TAOK3: variants seen among roughly 807,000 people sequenced by gnomAD.
TAOK3 encodes TAO kinase 3, also known as serine/threonine-protein kinase TAO3.
Under a neutral mutation model 120.4 loss-of-function variants are expected in TAOK3, and 40 were observed. The observed-to-expected ratio is 0.33, with a 90% CI of 0.26 to 0.43. TAOK3 has a LOEUF of 0.43. Ranked by LOEUF, TAOK3 falls within the 20% of genes least tolerant of loss-of-function variation. The probability of loss-of-function intolerance (pLI) is 1.00; values close to 1 mark genes in which losing one functional copy is unlikely to be tolerated. For synonymous variants in TAOK3, 355 were observed against 387.5 expected (o/e 0.92, Z 0.99); for missense variants, 821 against 1,112.1 (o/e 0.74, Z 3.72).
intron 10 of TAOK3, among the ~76,000 whole-genome samples, chr12:118,213,686 G>C (rs757953985): frequency 3.9e-5 from 6 of 152,082 alleles, no homozygotes; most frequent in Non-Finnish European, 7.4e-5. Flanking sequence ...CTGCTGAGAA[G>C]TGATATCAGC....
intron 2 of TAOK3, among the ~76,000 whole-genome samples, chr12:118,257,271 T>C (rs1209733469): frequency 6.6e-6 from 1 of 152,206 alleles, no homozygotes; most frequent in African/African-American, 2.4e-5. Context: ...AAGAAATTAC[T>C]ATCACATGGA....
intron 1 of TAOK3, among the ~76,000 whole-genome samples, chr12:118,347,036 T>C (rs959984525): frequency 6.6e-6 from 1 of 152,168 alleles, no homozygotes; most frequent in Non-Finnish European, 1.5e-5. Flanking sequence ...TCTCGCTCTG[T>C]CACCCAGGCT....
At chr12:118,175,640 A>T (rs1308904781) in intron 16 of TAOK3, among the ~76,000 whole-genome samples, 1 of 152,172 alleles carries the variant, frequency 6.6e-6, no homozygotes, top group Non-Finnish European at 1.5e-5. Flanking sequence ...AAGAAAAAAA[A>T]ATAAAGAATA....
In TAOK3 at chr12:118,371,548, G is replaced by A. The variant is rs561510449; in HGVS notation, c.-194+1100C>T. Among the ~76,000 whole-genome samples the A allele has an allele frequency of 1.9e-3, 289 of 152,154 alleles. No individual in the cohort carries two copies. Among genetic ancestry groups the A allele is most frequent in the African/African-American group, 6.5e-3 (268 of 41,538 alleles). On this transcript the variant is annotated intron_variant, in intron 1 of 20. Transcript: ENST00000392533. This position sits in a 1 kb window ranked among gnomAD's most constrained non-coding sequence, Gnocchi z 5.5. Reference sequence around the variant, plus strand: ...CTCCGGAGTCCCCCGGAGTCCCGGGGGCTCACACTCCACCCTCAGGGAGGT... The same window carrying A: ...CTCCGGAGTCCCCCGGAGTCCCGGGAGCTCACACTCCACCCTCAGGGAGGT...
At chr12:118,342,952 AAAAAAAGAGAG>A (rs909517877) in intron 1 of TAOK3, among the ~76,000 whole-genome samples, 2 of 149,398 alleles carry the variant, frequency 1.3e-5, no homozygotes, top group African/African-American at 5.0e-5. Context: ...AAAAAAAAAA[AAAAAAAGAGAG>A]AGAGAGAGAG....
At chr12:118,238,243 C>A in intron 6 of TAOK3, 74 bp from the exon 7 acceptor site, 1 of 843,952 alleles carries the variant, frequency 1.2e-6, no homozygotes, top group Non-Finnish European at 1.9e-6. Context: ...TACAGCTATA[C>A]CAGACTGGGT....
chr12:118,215,066 A>G (rs2038820160), intron 9 of TAOK3, among the ~76,000 whole-genome samples: 1 of 151,194 alleles, frequency 6.6e-6, no homozygotes, highest in Non-Finnish European at 1.5e-5. Context: ...TTTTTAGTAG[A>G]GAGGGGGTTT....
chr12:118,217,816 CATATATATATATATATATATATATATAT>C (rs57197721), intron 9 of TAOK3, among the ~76,000 whole-genome samples: 25 of 45,992 alleles, frequency 5.4e-4, no homozygotes, highest in Admixed American at 4.2e-3. Context: ...TGTGTGTATA[CATATATATATATATATATATATATATAT>C]ATATATATAT....
chr12:118,320,544 T>A (rs1030431814), intron 1 of TAOK3, among the ~76,000 whole-genome samples: 2 of 152,226 alleles, frequency 1.3e-5, no homozygotes, highest in South Asian at 4.1e-4. Context: ...TAGCCACTGC[T>A]AACATTTTAC....
chr12:118,264,351 TC>T (rs1416808589), intron 2 of TAOK3, among the ~76,000 whole-genome samples: 1 of 152,118 alleles, frequency 6.6e-6, no homozygotes, highest in Non-Finnish European at 1.5e-5. Flanking sequence ...GAATGGACAA[TC>T]TGTGATAAAT....
chr12:118,203,772 G>C (rs1038129590), intron 11 of TAOK3, among the ~76,000 whole-genome samples: 20 of 151,550 alleles, frequency 1.3e-4, no homozygotes, highest in African/African-American at 4.8e-4. Context: ...ACCACCTGTT[G>C]TAAAAAGAAG....
intron 9 of TAOK3, among the ~76,000 whole-genome samples, chr12:118,223,232 G>A (rs554749518): frequency 2.6e-4 from 39 of 151,194 alleles, no homozygotes; most frequent in East Asian, 1.6e-3. Context: ...CACCACGCCC[G>A]GCTAATTTTT....
intron 17 of TAOK3, among the ~76,000 whole-genome samples, chr12:118,163,439 C>T (rs1224217600): frequency 1.6e-5 from 2 of 123,222 alleles, no homozygotes; most frequent in South Asian, 3.0e-4. Context: ...CAGGGACATA[C>T]TTTTTTTTTG....
At chr12:118,212,733 T>C (rs578030142) in intron 11 of TAOK3, among the ~76,000 whole-genome samples, 181 bp downstream of exon 11, 5 of 152,308 alleles carry the variant, frequency 3.3e-5, no homozygotes, top group Admixed American at 6.5e-5. Flanking sequence ...AGGGAATACA[T>C]AGCACATAAC....
intron 11 of TAOK3, among the ~76,000 whole-genome samples, chr12:118,208,129 T>C (rs545677766): frequency 4.9e-4 from 75 of 152,228 alleles, no homozygotes; most frequent in Non-Finnish European, 9.7e-4. Context: ...TTTTTCTAAT[T>C]ACATTATTTT....
chr12:118,348,096 T>C (rs773739734), intron 1 of TAOK3, among the ~76,000 whole-genome samples: 3 of 152,200 alleles, frequency 2.0e-5, no homozygotes, highest in Non-Finnish European at 4.4e-5. Context: ...AATACATTGA[T>C]TATGTCCACC....
At chr12:118,339,233 C>T (rs2044499770) in intron 1 of TAOK3, among the ~76,000 whole-genome samples, 1 of 145,296 alleles carries the variant, frequency 6.9e-6, no homozygotes, top group Non-Finnish European at 1.5e-5. Context: ...GAAACCAACA[C>T]AAGAGTTGGA....
chr12:118,312,301 A>T (rs1333923833), intron 1 of TAOK3, among the ~76,000 whole-genome samples: 1 of 151,228 alleles, frequency 6.6e-6, no homozygotes, highest in Non-Finnish European at 1.5e-5. Flanking sequence ...GCTTGACATT[A>T]AAAAAAAATC....
chr12:118,335,079 C>T (rs2141059835), intron 1 of TAOK3, among the ~76,000 whole-genome samples: 1 of 150,036 alleles, frequency 6.7e-6, no homozygotes, highest in South Asian at 2.1e-4. Flanking sequence ...CGCTACTTGG[C>T]AGGCTGAGGC....
Sources: allele counts gnomAD v4.1 joint callset (sites outside exome capture counted in the v4.1 genomes callset), GRCh38; gene constraint gnomAD v4.1.1; non-coding constraint Gnocchi (gnomAD v3.1); transcripts MANE v1.5; gene names NCBI Gene and HGNC (gene_info 2026-07-23, HGNC 2026-07-21).